The following CEMIP2 variants were observed in gnomAD, a reference collection of about 807,000 sequenced individuals.
CEMIP2 encodes the protein cell migration inducing hyaluronidase 2.
Under a neutral mutation model 146.9 loss-of-function variants are expected in CEMIP2, and 79 were observed. The ratio of observed to expected loss-of-function variants is 0.54; its 90% confidence interval spans 0.45 to 0.65. The LOEUF is 0.65. Ranked by LOEUF, CEMIP2 falls within the 30% of genes least tolerant of loss-of-function variation. The pLI, the probability that CEMIP2 is intolerant of heterozygous loss-of-function variation, is 0.00. For missense variants in CEMIP2, 1,596 were observed against 1,696.2 expected (o/e 0.94, Z 1.04); for synonymous variants, 601 against 606.3 (o/e 0.99, Z 0.13).
intron 17 of CEMIP2, among the ~76,000 whole-genome samples, chr9:71,707,717 C>T (rs1207195279): frequency 6.6e-6 from 1 of 152,148 alleles, no homozygotes; most frequent in African/African-American, 2.4e-5. Context: ...ACGGATCCTC[C>T]CCAGGAAGAG....
At chr9:71,762,546 C>G (rs1433082193) in intron 1 of CEMIP2, among the ~76,000 whole-genome samples, 1 of 141,888 alleles carries the variant, frequency 7.0e-6, no homozygotes, top group Admixed American at 7.2e-5. Context: ...AGCAGCATAA[C>G]AGGCAAACAG....
In CEMIP2 at chr9:71,741,185, A is replaced by ATTT. The variant is rs79872255; in HGVS notation, c.1035-956_1035-954dup. On this transcript the variant is annotated intron_variant, in intron 4 of 23. Transcript: ENST00000377044. ...CAGGCAAGGTTGAGAACTGAGTTAG[A>ATTT]TTTTTTTTTTTTTTTTTTTTTTTTT... Among the ~76,000 whole-genome samples, 209 of 72,240 alleles carry ATTT rather than the reference A, an allele frequency of 2.9e-3. 13 individuals carry two copies. Among genetic ancestry groups the ATTT allele is most frequent in the Non-Finnish European group, 3.7e-3 (148 of 39,990 alleles). The allele number at this position is 72,240 out of a possible 152,430, so 47.4% of individuals were successfully genotyped here. A position where few individuals can be genotyped will look rare whatever the true frequency, so the allele number is the denominator to read the frequency against.
chr9:71,691,820 A>T (rs1206368049), intron 21 of CEMIP2, among the ~76,000 whole-genome samples: 1 of 152,074 alleles, frequency 6.6e-6, no homozygotes, highest in Non-Finnish European at 1.5e-5. Context: ...AAAAGCCCCA[A>T]AGCAGCTGGG....
Position 71,720,408 on chromosome 9 carries a change from A to G in CEMIP2, c.2267+2019T>C, listed in dbSNP as rs146013681. ...AGGGTTCAAGTGATTCTCCTGCCTC[A>G]GTCTCCTGAGTAGCTCAGATTACAG... is the stretch of plus-strand genomic sequence containing the variant. On this transcript the variant is annotated intron_variant, in intron 12 of 23. Coordinates refer to ENST00000377044, the MANE Select transcript of CEMIP2 (RefSeq NM_013390.3). Among the ~76,000 whole-genome samples, 707 of 152,286 alleles carry G rather than the reference A, an allele frequency of 4.6e-3. 2 individuals carry two copies. The highest frequency in any genetic ancestry group is 0.016 in the African/African-American group (679 of 41,558).
At chr9:71,746,422 T>C in intron 2 of CEMIP2, 81 bp from the exon 3 acceptor site, 1 of 1,517,482 alleles carries the variant, frequency 6.6e-7, no homozygotes, top group East Asian at 2.3e-5. Context: ...CATTATTTAC[T>C]GCAGATCTGC....
At position 71,700,809 on chromosome 9, in the gene CEMIP2, T is replaced by G; in HGVS notation, c.3210A>C (p.Arg1070=). ...TGTTTGATGGATAGCAAAGGCCAAC[T>G]CGAATCCAGTCATTCCTTTAAAGGA... The part of the protein sequence containing the change: ...LVNFNKNDWI[R]VGLCYPSNTS... The change falls in exon 19 of 24, where the codon CGA becomes CGC. Residue 1070 remains arginine (R), a synonymous_variant. Coordinates refer to ENST00000377044, the MANE Select transcript of CEMIP2 (RefSeq NM_013390.3). The G allele has an allele frequency of 1.9e-6, 3 of 1,605,854 alleles. No homozygotes were observed. The highest frequency in any genetic ancestry group is 2.5e-6 in the Non-Finnish European group (3 of 1,178,002).
chr9:71,730,390 T>C lies in CEMIP2; in HGVS notation c.1774-137A>G, dbSNP rs1369035181. On this transcript the variant is annotated intron_variant, in intron 8 of 23. Transcript: ENST00000377044. ...CCTTAGCAGAATGGGCAAAGTGAAA[T>C]GTCAGGCTTAATTTATCTCTGAAGG... 3 of 843,628 alleles carry C rather than the reference T, an allele frequency of 3.6e-6. No individual in the cohort carries two copies. In the East Asian group the frequency reaches 8.0e-5, roughly 23 times the overall value. 52.3% of individuals were successfully genotyped at this position (843,628 alleles called of 1,614,324 possible). A position where few individuals can be genotyped will look rare whatever the true frequency, so the allele number is the denominator to read the frequency against.
At chr9:71,692,365 A>ATATCTC (rs1822258645) in intron 21 of CEMIP2, among the ~76,000 whole-genome samples, 2 of 90,508 alleles carry the variant, frequency 2.2e-5, no homozygotes, top group Admixed American at 2.8e-4. Context: ...TCTACCCCCC[A>ATATCTC]TCTCTCTCTC....
intron 21 of CEMIP2, among the ~76,000 whole-genome samples, chr9:71,693,832 A>G (rs1183769833): frequency 6.6e-6 from 1 of 152,336 alleles, no homozygotes; most frequent in South Asian, 2.1e-4. Flanking sequence ...AAATATTTCT[A>G]TGTTGAAATC....
chr9:71,765,735 GC>G (rs1415394140), intron 1 of CEMIP2, among the ~76,000 whole-genome samples: 10 of 152,128 alleles, frequency 6.6e-5, no homozygotes, highest in African/African-American at 2.4e-4. Context: ...TATGTCCGGG[GC>G]TAGGCTCATT....
chr9:71,732,680 C>T (rs951825576), intron 6 of CEMIP2, among the ~76,000 whole-genome samples, 160 bp from the exon 7 acceptor site: 4 of 139,460 alleles, frequency 2.9e-5, no homozygotes, highest in Admixed American at 7.3e-5. Flanking sequence ...TCCCAGGACA[C>T]GGGGAATTTT....
chr9:71,743,434 A>C (rs1409372559), intron 4 of CEMIP2, among the ~76,000 whole-genome samples: 1 of 152,162 alleles, frequency 6.6e-6, no homozygotes, highest in Non-Finnish European at 1.5e-5. Flanking sequence ...CAAAAACAAA[A>C]ACCAGAAAGA....
At chr9:71,741,687 A>G (rs1332041731) in intron 4 of CEMIP2, among the ~76,000 whole-genome samples, 3 of 113,242 alleles carry the variant, frequency 2.6e-5, no homozygotes, top group South Asian at 3.0e-4. Context: ...CGCCTAGGCT[A>G]GAGTGCAATG....
At chr9:71,694,401 G>C in intron 21 of CEMIP2, 108 bp downstream of exon 21, 1 of 792,692 alleles carries the variant, frequency 1.3e-6, no homozygotes, top group Non-Finnish European at 2.1e-6. Flanking sequence ...GGGATCACAG[G>C]TGTGAGCCAC....
At chr9:71,699,433 A>G (rs1208648460) in intron 19 of CEMIP2, 1 of 446,698 alleles carries the variant, frequency 2.2e-6, no homozygotes, top group Admixed American at 2.4e-5. Context: ...CCTGGGCAAC[A>G]TAGGGATACA....
chr9:71,734,430 T>C (rs1009456680), intron 6 of CEMIP2, among the ~76,000 whole-genome samples: 3 of 152,016 alleles, frequency 2.0e-5, no homozygotes, highest in South Asian at 2.1e-4. Flanking sequence ...AGGTGAAGGG[T>C]TGGTAGGTGC....
rs577255610 is a variant in CEMIP2 at position 71,707,231 on chromosome 9, G to A, written c.2985+2028C>T. Among the ~76,000 whole-genome samples, 7 of 152,266 alleles carry A rather than the reference G, an allele frequency of 4.6e-5. No individual in the cohort carries two copies. The East Asian group carries it at 1.3e-3, about 29-fold the overall frequency. ...GGAAGGCAATTCTGATTAAGAATAAGATAAATGGAAAAAATAAATCACATT... is the reference window on the plus strand; with the variant it reads ...GGAAGGCAATTCTGATTAAGAATAAAATAAATGGAAAAAATAAATCACATT... On this transcript the variant is annotated intron_variant, in intron 17 of 23. Coordinates refer to ENST00000377044, the MANE Select transcript of CEMIP2 (RefSeq NM_013390.3).
Position 71,718,540 on chromosome 9 carries a change from T to C in CEMIP2, c.2268-461A>G, listed in dbSNP as rs1823137502. ...GATATAGACAAAACTGGGTTCAATA[T>C]CATTAAAATGCCTAAATTTAAAATA... is the stretch of plus-strand genomic sequence containing the variant. On this transcript the variant is annotated intron_variant, in intron 12 of 23. Transcript: ENST00000377044. Among the ~76,000 whole-genome samples, 2 of 152,140 alleles carry C rather than the reference T, an allele frequency of 1.3e-5. 1 individual carries two copies. The highest frequency in any genetic ancestry group is 1.3e-4 in the Admixed American group (2 of 15,268).
intron 23 of CEMIP2, 75 bp downstream of exon 23, chr9:71,685,668 G>C: frequency 8.1e-7 from 1 of 1,235,632 alleles, no homozygotes; most frequent in Non-Finnish European, 1.2e-6. Flanking sequence ...AAATGGTCTG[G>C]TAGCTGAATT....
Sources: gnomAD v4.1 joint callset for allele counts (sites outside exome capture counted in the v4.1 genomes callset) on GRCh38, gnomAD v4.1.1 for gene constraint, MANE v1.5 for transcripts, NCBI Gene and HGNC (gene_info 2026-07-23, HGNC 2026-07-21) for gene names.